TMEM164: variants seen among roughly 807,000 people sequenced by gnomAD.
The protein encoded by TMEM164 is RP13-360B22.2.
TMEM164 carries 4 observed loss-of-function variants against 18.8 expected under a neutral mutation model. The ratio of observed to expected loss-of-function variants is 0.21; its 90% CI spans 0.10 to 0.49. The LOEUF (loss-of-function observed/expected upper bound fraction) is 0.49, where lower values mean the gene tolerates loss of function less well. Ranked by LOEUF, TMEM164 falls within the 20% of genes least tolerant of loss-of-function variation. TMEM164 has a pLI of 0.98. For synonymous variants in TMEM164, 86 were observed against 101.7 expected (o/e 0.85, Z 0.93); for missense variants, 108 against 239.9 (o/e 0.45, Z 3.63).
intron 2 of TMEM164, among the ~76,000 whole-genome samples, chrX:110,060,706 C>G (rs1361278836): frequency 9.0e-6 from 1 of 111,654 alleles, no homozygotes; most frequent in African/African-American, 3.3e-5. Context: ...TTAGTCTTCT[C>G]TAATCTGTGG....
chrX:110,116,861 C>CGT (rs751272706), intron 4 of TMEM164, among the ~76,000 whole-genome samples: 18 of 88,814 alleles, frequency 2.0e-4, no homozygotes, highest in South Asian at 5.9e-4. Flanking sequence ...TGCGCGTGTG[C>CGT]GTGTGTGTGT....
intron 3 of TMEM164, among the ~76,000 whole-genome samples, chrX:110,097,898 A>G (rs2066046831): frequency 8.9e-6 from 1 of 112,391 alleles, no homozygotes; most frequent in Non-Finnish European, 1.9e-5. Context: ...TGCTTCTCAT[A>G]TACATTTTTG....
At chrX:110,072,193 C>G (rs920059914) in intron 3 of TMEM164, among the ~76,000 whole-genome samples, 6 of 103,674 alleles carry the variant, frequency 5.8e-5, no homozygotes, top group Non-Finnish European at 9.7e-5. Flanking sequence ...CCCAGCTACT[C>G]GAGAGGCTGA....
intron 4 of TMEM164, among the ~76,000 whole-genome samples, chrX:110,117,261 A>G: frequency 8.9e-6 from 1 of 112,260 alleles, no homozygotes; most frequent in Middle Eastern, 4.7e-3. Flanking sequence ...TACCAAAGGA[A>G]GGTTTGGTCT....
At chrX:110,143,440 A>G (rs1375872690) in intron 4 of TMEM164, among the ~76,000 whole-genome samples, 2 of 111,525 alleles carry the variant, frequency 1.8e-5, no homozygotes, top group African/African-American at 6.5e-5. Context: ...TGGGGTCTAC[A>G]GTGATACTTG....
intron 4 of TMEM164, among the ~76,000 whole-genome samples, chrX:110,116,854 G>A (rs749417421): frequency 1.1e-4 from 11 of 103,475 alleles, no homozygotes; most frequent in East Asian, 3.0e-4. Flanking sequence ...GTGTGTGTGC[G>A]CGTGTGCGTG....
At chrX:110,152,929 A>G (rs1386018333) in intron 5 of TMEM164, among the ~76,000 whole-genome samples, 4 of 111,466 alleles carry the variant, frequency 3.6e-5, no homozygotes, top group African/African-American at 9.8e-5. Flanking sequence ...TCCCCAGTGC[A>G]CAAGACCGTA....
Position 110,175,718 on chromosome X carries a change from A to AACATGT in TMEM164, c.*2269_*2274dup. The AACATGT allele has an allele frequency of 1.3e-6, 1 of 751,457 alleles. No homozygotes were observed. The highest frequency in any genetic ancestry group is 1.6e-6 in the Non-Finnish European group (1 of 636,590). The allele number at this position is 751,457 out of a possible 1,213,427, so 61.9% of individuals were successfully genotyped here. On this transcript the variant is annotated 3_prime_UTR_variant, in exon 7 of 7. Coordinates refer to ENST00000372068, the MANE Select transcript of TMEM164 (RefSeq NM_032227.4). The stretch of plus-strand genomic sequence containing the variant: ...CTTTTGGGGGCCAGATTGGCTCAGA[A>AACATGT]ACATGTAGGTCAAAAGAATAGAGGG...
chrX:110,057,954 T>C, intron 2 of TMEM164, among the ~76,000 whole-genome samples: 1 of 112,265 alleles, frequency 8.9e-6, no homozygotes, highest in Admixed American at 9.5e-5. Context: ...GTAGTCCTAA[T>C]TGTTTTTGTT....
chrX:110,129,881 G>T (rs2066588469), intron 4 of TMEM164, among the ~76,000 whole-genome samples: 1 of 112,491 alleles, frequency 8.9e-6, no homozygotes. Flanking sequence ...CAGAACATTG[G>T]CAGTAGTGGC....
At chrX:110,135,564 A>T (rs767740019) in intron 4 of TMEM164, among the ~76,000 whole-genome samples, 3 of 112,048 alleles carry the variant, frequency 2.7e-5, no homozygotes, top group Non-Finnish European at 5.6e-5. Flanking sequence ...ATATTGACAA[A>T]TTGTTCTCCA....
intron 5 of TMEM164, among the ~76,000 whole-genome samples, chrX:110,161,972 A>ATTCCAGT (rs2067099834): frequency 8.9e-6 from 1 of 112,672 alleles, no homozygotes; most frequent in African/African-American, 3.2e-5. Context: ...CAGATTCCAG[A>ATTCCAGT]TTCCAGGCCT....
chrX:110,060,673 T>C lies in TMEM164; in HGVS notation c.391-6674T>C, dbSNP rs768872015. 2.7e-5 allele frequency among the ~76,000 whole-genome samples: 3 copies of C among 112,159 alleles called. No individual in the cohort carries two copies. The South Asian group carries it at 1.1e-3, about 42-fold the overall frequency. The stretch of plus-strand genomic sequence containing the variant: ...TGCAGGATCTATTTAGGATCCTTAA[T>C]TGCATTTAGATATGATCTCTCTTTA... On this transcript the variant is annotated intron_variant, in intron 2 of 6. Coordinates refer to ENST00000372068, the MANE Select transcript of TMEM164 (RefSeq NM_032227.4).
intron 3 of TMEM164, among the ~76,000 whole-genome samples, chrX:110,099,265 T>A (rs1210057002): frequency 9.0e-6 from 1 of 111,515 alleles, no homozygotes; most frequent in Non-Finnish European, 1.9e-5. Context: ...TTTTTCATTT[T>A]GATTAATGTC....
intron 3 of TMEM164, among the ~76,000 whole-genome samples, chrX:110,093,680 T>C (rs1321624207): frequency 8.9e-6 from 1 of 111,801 alleles, no homozygotes; most frequent in Non-Finnish European, 1.9e-5. Context: ...TTTGTGTCTG[T>C]ATCTCCTTCA....
chrX:110,152,397 A>G (rs1448078585), intron 5 of TMEM164, among the ~76,000 whole-genome samples: 2 of 111,220 alleles, frequency 1.8e-5, no homozygotes, highest in Non-Finnish European at 3.8e-5. Flanking sequence ...TGGCATCTGA[A>G]TTTAGAGTCA....
At chrX:110,067,468 C>T in intron 3 of TMEM164, 72 bp downstream of exon 3, 1 of 1,011,667 alleles carries the variant, frequency 9.9e-7, no homozygotes, top group South Asian at 1.9e-5. Context: ...AGACTGATAA[C>T]ACATTGCTGT....
At chrX:110,056,610 C>T (rs1402944515) in intron 2 of TMEM164, among the ~76,000 whole-genome samples, 1 of 112,011 alleles carries the variant, frequency 8.9e-6, no homozygotes, top group Non-Finnish European at 1.9e-5. Context: ...TCTCAAGGAG[C>T]TGCCAGACTG....
intron 4 of TMEM164, among the ~76,000 whole-genome samples, chrX:110,140,953 A>G (rs2066760925): frequency 9.0e-6 from 1 of 111,620 alleles, no homozygotes; most frequent in Non-Finnish European, 1.9e-5. Context: ...GAAAGTTCCC[A>G]GAACTCAGCC....
Sources: allele counts gnomAD v4.1 joint callset (sites outside exome capture counted in the v4.1 genomes callset), GRCh38; gene constraint gnomAD v4.1.1; transcripts MANE v1.5; gene names NCBI Gene and HGNC (gene_info 2026-07-23, HGNC 2026-07-21).